NEDD4L: variants seen among roughly 807,000 people sequenced by gnomAD.
The protein encoded by NEDD4L is E3 ubiquitin-protein ligase NEDD4-like.
NEDD4L carries 54 observed loss-of-function variants against 148.9 expected under a neutral mutation model. The ratio of observed to expected loss-of-function variants is 0.36; its 90% CI spans 0.29 to 0.45. The LOEUF is 0.45. Ranked by LOEUF, NEDD4L falls within the 20% of genes least tolerant of loss-of-function variation. The probability of loss-of-function intolerance (pLI) is 1.00; values close to 1 mark genes in which losing one functional copy is unlikely to be tolerated. For missense variants in NEDD4L, 856 were observed against 1,233.8 expected (o/e 0.69, Z 4.59); for synonymous variants, 433 against 440.7 (o/e 0.98, Z 0.22).
chr18:58,099,661 T>G (rs1415942823), intron 1 of NEDD4L, among the ~76,000 whole-genome samples: 1 of 152,198 alleles, frequency 6.6e-6, no homozygotes, highest in Non-Finnish European at 1.5e-5. Flanking sequence ...CTGTCCACAT[T>G]AAAACCAGGA....
chr18:58,392,076 GCGTGGC>G (rs1325428340), intron 30 of NEDD4L, among the ~76,000 whole-genome samples: 3 of 152,244 alleles, frequency 2.0e-5, no homozygotes, highest in Non-Finnish European at 4.4e-5. Context: ...CAAGCGTGGA[GCGTGGC>G]TGCCCTCAGA....
At chr18:58,148,783 A>T (rs1026052486) in intron 1 of NEDD4L, among the ~76,000 whole-genome samples, 1 of 152,266 alleles carries the variant, frequency 6.6e-6, no homozygotes, top group Non-Finnish European at 1.5e-5. Context: ...AGGGAGACAC[A>T]CTTCTACCCA....
chr18:58,254,754 C>T (rs1488218423), intron 5 of NEDD4L, among the ~76,000 whole-genome samples: 2 of 152,172 alleles, frequency 1.3e-5, no homozygotes, highest in South Asian at 2.1e-4. Flanking sequence ...GCTACACACA[C>T]GTATACACCT....
chr18:58,311,317 A>G (rs1396261279), intron 5 of NEDD4L, among the ~76,000 whole-genome samples: 1 of 152,228 alleles, frequency 6.6e-6, no homozygotes, highest in Non-Finnish European at 1.5e-5. Context: ...GTAACTCACA[A>G]CTTAAAAAAT....
intron 6 of NEDD4L, among the ~76,000 whole-genome samples, chr18:58,319,748 C>T (rs2058611611): frequency 6.6e-6 from 1 of 152,138 alleles, no homozygotes; most frequent in Non-Finnish European, 1.5e-5. Context: ...TTTCAATGAA[C>T]GTGAACTTTG....
chr18:58,397,217 A>G lies in NEDD4L; in HGVS notation c.*948A>G, dbSNP rs2050551967. On this transcript the variant is annotated 3_prime_UTR_variant, in exon 31 of 31. Transcript: ENST00000400345. ...TGAAACTTGGCACTGCTTGATTCAA[A>G]ACTGTGGAAACCAGATCTGTTTAGT... The G allele has an allele frequency of 6.6e-6, 1 of 152,584 alleles. No individual in the cohort carries two copies. Among genetic ancestry groups the G allele is most frequent in the South Asian group, 2.1e-4 (1 of 4,818 alleles). The allele number at this position is 152,584 out of a possible 1,614,324, so 9.5% of individuals were successfully genotyped here.
intron 2 of NEDD4L, among the ~76,000 whole-genome samples, chr18:58,219,317 C>T (rs1405531186): frequency 1.3e-5 from 2 of 152,136 alleles, no homozygotes; most frequent in Non-Finnish European, 2.9e-5. Context: ...ATGAGAACCT[C>T]ATGGGACAAG....
At chr18:58,159,192 T>TG (rs1212895657) in intron 1 of NEDD4L, among the ~76,000 whole-genome samples, 1 of 151,484 alleles carries the variant, frequency 6.6e-6, no homozygotes, top group African/African-American at 2.4e-5. Context: ...GGAAGGTGTG[T>TG]GGGGTGGGGA....
chr18:58,052,825 G>T (rs1433366258), intron 1 of NEDD4L, among the ~76,000 whole-genome samples: 1 of 152,046 alleles, frequency 6.6e-6, no homozygotes, highest in Non-Finnish European at 1.5e-5. Flanking sequence ...AATTAGCTGG[G>T]CGTCGTGGCG....
intron 1 of NEDD4L, among the ~76,000 whole-genome samples, chr18:58,065,686 T>G (rs1273812939): frequency 6.6e-6 from 1 of 152,216 alleles, no homozygotes; most frequent in Non-Finnish European, 1.5e-5. Flanking sequence ...AGCTGCCTTG[T>G]TAGCCAGGTT....
chr18:58,398,287 C>T lies in NEDD4L; in HGVS notation c.*2018C>T, dbSNP rs144700542. The T allele has an allele frequency of 2.7e-5, 4 of 149,302 alleles. No homozygotes were observed. The highest frequency in any genetic ancestry group is 1.0e-4 in the African/African-American group (4 of 39,756). The allele number at this position is 149,302 out of a possible 1,614,324, so 9.2% of individuals were successfully genotyped here. A position where few individuals can be genotyped will look rare whatever the true frequency, so the allele number is the denominator to read the frequency against. On this transcript the variant is annotated 3_prime_UTR_variant, in exon 31 of 31. Transcript: ENST00000400345. ...GTGGCAAAAATCCCCTTTTTGTAAG[C>T]CCCCATAGTCTAGAGGCAGTTTTCT...
At position 58,104,415 on chromosome 18, in the gene NEDD4L, G is replaced by A. The variant is rs149249765; in HGVS notation, c.48+59707G>A. On this transcript the variant is annotated intron_variant, in intron 1 of 30. Coordinates refer to ENST00000400345, the MANE Select transcript of NEDD4L (RefSeq NM_001144967.3). ...GCGACAGAAAATGTTTTGCAACCAC[G>A]CGGACGTGGTGGTTGTATGACATTG... Among the ~76,000 whole-genome samples the A allele has an allele frequency of 9.7e-3, 1,471 of 152,266 alleles. 25 individuals carry two copies. Among genetic ancestry groups the A allele is most frequent in the African/African-American group, 0.033 (1,357 of 41,548 alleles).
intron 1 of NEDD4L, among the ~76,000 whole-genome samples, chr18:58,154,074 C>T (rs1340331257): frequency 6.6e-6 from 1 of 151,996 alleles, no homozygotes; most frequent in African/African-American, 2.4e-5. Flanking sequence ...AGAGGTTGAT[C>T]GATAAAAAAT....
chr18:58,068,337 C>A (rs551824456), intron 1 of NEDD4L, among the ~76,000 whole-genome samples: 2 of 152,188 alleles, frequency 1.3e-5, no homozygotes, highest in African/African-American at 4.8e-5. Context: ...GCAGCTGAGA[C>A]TACAGGCGCC....
At chr18:58,206,104 C>G (rs2041955710) in intron 2 of NEDD4L, among the ~76,000 whole-genome samples, 1 of 152,172 alleles carries the variant, frequency 6.6e-6, no homozygotes, top group Non-Finnish European at 1.5e-5. Context: ...CTGAAACTTT[C>G]AGCATGGGGC....
intron 24 of NEDD4L, among the ~76,000 whole-genome samples, chr18:58,380,295 A>ATTTT (rs1555863199): frequency 2.1e-4 from 25 of 121,596 alleles, no homozygotes; most frequent in East Asian, 2.0e-3. Flanking sequence ...TTTCTTTTTT[A>ATTTT]TTTTATTTAT....
At chr18:58,111,439 C>T (rs2085413985) in intron 1 of NEDD4L, among the ~76,000 whole-genome samples, 1 of 152,204 alleles carries the variant, frequency 6.6e-6, no homozygotes, top group East Asian at 1.9e-4. Context: ...TTCTCCCACA[C>T]ATCCCTCTCC....
chr18:58,087,879 C>T (rs1216454174), intron 1 of NEDD4L, among the ~76,000 whole-genome samples: 1 of 152,164 alleles, frequency 6.6e-6, no homozygotes, highest in Non-Finnish European at 1.5e-5. Flanking sequence ...CATCTCAAAA[C>T]AAACAAACCA....
At chr18:58,357,941 G>A (rs964065955) in intron 19 of NEDD4L, among the ~76,000 whole-genome samples, 3 of 152,168 alleles carry the variant, frequency 2.0e-5, no homozygotes, top group East Asian at 3.9e-4. Context: ...TCAGCAGAGA[G>A]CACACCACCA....
Sources: allele counts gnomAD v4.1 joint callset (sites outside exome capture counted in the v4.1 genomes callset), GRCh38; gene constraint gnomAD v4.1.1; transcripts MANE v1.5; gene names NCBI Gene and HGNC (gene_info 2026-07-23, HGNC 2026-07-21).